TMC1: variants seen among roughly 807,000 people sequenced by gnomAD.
TMC1 encodes transmembrane channel-like protein 1.
Under a neutral mutation model 105.8 loss-of-function variants are expected in TMC1, and 84 were observed. That is an observed-to-expected ratio of 0.79 (90% confidence interval 0.67 to 0.95). The LOEUF is 0.95. Ranked by LOEUF, TMC1 falls within the 40% of genes least tolerant of loss-of-function variation. The probability of loss-of-function intolerance (pLI) is 0.00; values close to 1 mark genes in which losing one functional copy is unlikely to be tolerated. For missense variants in TMC1, 817 were observed against 914.1 expected (o/e 0.89, Z 1.37); for synonymous variants, 315 against 311.5 (o/e 1.01, Z -0.12).
chr9:72,740,099 T>C lies in TMC1; in HGVS notation c.363-20T>C, dbSNP rs1827362304. On this transcript the variant is annotated intron_variant, in intron 8 of 23. Transcript: ENST00000297784. ...GCAACTCACCTCCTTTTATCCCTTA[T>C]GTTATTTTTATTTTCTCAGGGAGGC... 2 of 1,595,354 alleles carry C rather than the reference T, an allele frequency of 1.3e-6. No homozygotes were observed. The highest frequency in any genetic ancestry group is 1.7e-6 in the Non-Finnish European group (2 of 1,163,210).
At chr9:72,819,444 C>T (rs986886828) in intron 19 of TMC1, among the ~76,000 whole-genome samples, 1 of 152,104 alleles carries the variant, frequency 6.6e-6, no homozygotes, top group Non-Finnish European at 1.5e-5. Context: ...TTTTGGCGTT[C>T]CCTCTCTCTT....
chr9:72,627,916 T>C lies in TMC1; in HGVS notation c.-195-5T>C. ...GTATTGGATTTTTTTTTTTTCATAT[T>C]TTAGGATGCCAGAAGCCTCAAAAAT... On this transcript the variant is annotated splice_region_variant and splice_polypyrimidine_tract_variant and intron_variant, in intron 3 of 23. Coordinates refer to ENST00000297784, the MANE Select transcript of TMC1 (RefSeq NM_138691.3). The C allele has an allele frequency of 2.5e-6, 1 of 397,868 alleles. No homozygotes were observed. 24.6% of individuals were successfully genotyped at this position (397,868 alleles called of 1,614,324 possible).
intron 13 of TMC1, among the ~76,000 whole-genome samples, chr9:72,780,606 C>T (rs1228382980): frequency 6.6e-6 from 1 of 151,810 alleles, no homozygotes; most frequent in Non-Finnish European, 1.5e-5. Context: ...ATCTATCAAG[C>T]CATAAAGAAA....
At chr9:72,743,566 C>CA (rs386415092) in intron 10 of TMC1, among the ~76,000 whole-genome samples, 6,408 of 101,284 alleles carry the variant, frequency 0.063, 178 homozygotes, top group Non-Finnish European at 0.071. Flanking sequence ...GACTCTGTTT[C>CA]AAAAAAAAAA....
intron 5 of TMC1, among the ~76,000 whole-genome samples, chr9:72,685,952 A>G (rs907448877): frequency 6.6e-6 from 1 of 152,184 alleles, no homozygotes; most frequent in African/African-American, 2.4e-5. Context: ...TTTCAGCATT[A>G]TAGATTTAAA....
chr9:72,656,710 T>C (rs2132157365), intron 5 of TMC1, among the ~76,000 whole-genome samples: 1 of 152,238 alleles, frequency 6.6e-6, no homozygotes, highest in East Asian at 1.9e-4. Flanking sequence ...TCATTTACAA[T>C]TGGATATAAT....
intron 2 of TMC1, among the ~76,000 whole-genome samples, chr9:72,593,318 C>G (rs376194009): frequency 1.3e-5 from 2 of 151,704 alleles, no homozygotes; most frequent in Admixed American, 6.6e-5. Flanking sequence ...GTGGAAGGAT[C>G]GCTTGAAGCC....
At chr9:72,805,270 T>C in intron 17 of TMC1, 112 bp from the exon 18 acceptor site, 2 of 1,085,912 alleles carry the variant, frequency 1.8e-6, no homozygotes, top group South Asian at 2.9e-5. Context: ...CTTTTGCCAT[T>C]AATTGCAGTC....
chr9:72,727,395 A>G (rs921952348), intron 8 of TMC1, among the ~76,000 whole-genome samples: 1 of 152,166 alleles, frequency 6.6e-6, no homozygotes, highest in Non-Finnish European at 1.5e-5. Flanking sequence ...AGAACATAAA[A>G]CATACCCAGT....
chr9:72,599,617 T>C (rs1185806987), intron 2 of TMC1, among the ~76,000 whole-genome samples: 3 of 152,086 alleles, frequency 2.0e-5, no homozygotes, highest in Non-Finnish European at 4.4e-5. Context: ...AAGACCAGCC[T>C]GGTCAACATG....
intron 1 of TMC1, among the ~76,000 whole-genome samples, chr9:72,561,796 C>T (rs775626216): frequency 4.4e-4 from 67 of 152,172 alleles, no homozygotes; most frequent in Non-Finnish European, 7.8e-4. Context: ...TTTAGGCACA[C>T]GTTTGAATAC....
chr9:72,556,816 G>A (rs539433858), intron 1 of TMC1, among the ~76,000 whole-genome samples: 1 of 151,726 alleles, frequency 6.6e-6, no homozygotes, highest in South Asian at 2.1e-4. Context: ...GCGAGACTCT[G>A]TCTTGGAAAC....
chr9:72,579,240 C>T (rs189424855), intron 2 of TMC1, among the ~76,000 whole-genome samples: 294 of 152,310 alleles, frequency 1.9e-3, no homozygotes, highest in Non-Finnish European at 3.6e-3. Context: ...CTGCAAGCTT[C>T]TTTCTCTGGT....
chr9:72,797,004 G>A (rs34711438), intron 17 of TMC1, among the ~76,000 whole-genome samples: 10,279 of 152,050 alleles, frequency 0.068, 408 homozygotes, highest in African/African-American at 0.1. Context: ...CTTCTTAAGC[G>A]GATAAGCAAC....
intron 3 of TMC1, among the ~76,000 whole-genome samples, chr9:72,620,178 C>T (rs1312422873): frequency 1.3e-5 from 2 of 150,030 alleles, no homozygotes; most frequent in Non-Finnish European, 3.0e-5. Flanking sequence ...GTGACATGCT[C>T]AAGTCCATTA....
intron 9 of TMC1, among the ~76,000 whole-genome samples, chr9:72,740,830 A>T (rs1827377042): frequency 6.6e-6 from 1 of 152,212 alleles, no homozygotes; most frequent in Non-Finnish European, 1.5e-5. Flanking sequence ...TTGTGAATAA[A>T]GTTCATATAT....
chr9:72,761,722 A>G (rs940383614), intron 12 of TMC1, among the ~76,000 whole-genome samples: 2 of 152,218 alleles, frequency 1.3e-5, no homozygotes, highest in Non-Finnish European at 2.9e-5. Flanking sequence ...TGTTAATAAA[A>G]AGGAGATAAG....
intron 15 of TMC1, among the ~76,000 whole-genome samples, chr9:72,790,253 T>C (rs1440747863): frequency 6.6e-6 from 1 of 152,208 alleles, no homozygotes; most frequent in Non-Finnish European, 1.5e-5. Context: ...TTTATAAGCA[T>C]AGAATTTTCT....
intron 18 of TMC1, among the ~76,000 whole-genome samples, chr9:72,807,075 A>C (rs1310314007): frequency 6.6e-6 from 1 of 152,216 alleles, no homozygotes; most frequent in Non-Finnish European, 1.5e-5. Context: ...TGGCCTGGCC[A>C]ACACAGCGAA....
Sources: allele counts gnomAD v4.1 joint callset (sites outside exome capture counted in the v4.1 genomes callset), GRCh38; gene constraint gnomAD v4.1.1; transcripts MANE v1.5; gene names NCBI Gene and HGNC (gene_info 2026-07-23, HGNC 2026-07-21).